The following ADAMTSL1 variants were observed in gnomAD, a reference collection of about 807,000 sequenced individuals.
ADAMTSL1 encodes the protein ADAMTS like 1, also known as ADAMTS-like protein 1.
In ADAMTSL1, 126 loss-of-function variants were observed where a neutral mutation model predicts 201.8. The ratio of observed to expected loss-of-function variants is 0.62; its 90% CI spans 0.54 to 0.72. The LOEUF (loss-of-function observed/expected upper bound fraction) is 0.72, where lower values mean the gene tolerates loss of function less well. Among genes scored for constraint, ADAMTSL1 ranks in the 30% least tolerant of loss-of-function variants. The pLI is 0.00. For synonymous variants in ADAMTSL1, 1,121 were observed against 903.4 expected, an observed-to-expected ratio of 1.24 and a Z score of -4.32; for missense variants, 2,679 against 2,277.8, an observed-to-expected ratio of 1.18 and a Z score of -3.59.
intron 2 of ADAMTSL1, among the ~76,000 whole-genome samples, chr9:18,442,224 A>G (rs554386987): frequency 1.1e-4 from 16 of 152,360 alleles, no homozygotes; most frequent in African/African-American, 3.8e-4. Context: ...TTATACATCA[A>G]AGTAACTTAG....
chr9:18,192,630 A>G (rs928494683), intron 2 of ADAMTSL1, among the ~76,000 whole-genome samples: 4 of 152,292 alleles, frequency 2.6e-5, no homozygotes, highest in South Asian at 2.1e-4. Context: ...AGACATTTCT[A>G]AATTTCTTTT....
chr9:18,291,699 T>G (rs902996549), intron 2 of ADAMTSL1, among the ~76,000 whole-genome samples: 6 of 131,804 alleles, frequency 4.6e-5, no homozygotes, highest in East Asian at 2.1e-4. Flanking sequence ...GCGCACATGC[T>G]CTCTCTCTCT....
At chr9:18,471,404 C>T (rs374171054), upstream of ADAMTSL1, among the ~76,000 whole-genome samples, 2 of 152,130 alleles carry the variant, frequency 1.3e-5, no homozygotes, top group East Asian at 1.9e-4. Flanking sequence ...GCCTCAGTTT[C>T]CACGTACATA....
At chr9:18,759,689 A>G (rs1364374448) in intron 16 of ADAMTSL1, among the ~76,000 whole-genome samples, 5 of 152,226 alleles carry the variant, frequency 3.3e-5, no homozygotes, top group Non-Finnish European at 7.3e-5. Context: ...GTTTGTATTT[A>G]TTAGCAGGAA....
intron 13 of ADAMTSL1, among the ~76,000 whole-genome samples, chr9:18,688,689 AATAT>A (rs1554730405): frequency 3.5e-4 from 3 of 8,652 alleles, no homozygotes; most frequent in Admixed American, 2.3e-3. Flanking sequence ...AAAAAAAAAA[AATAT>A]ATATATATAT....
At chr9:18,041,728 A>G (rs1270794237) in intron 1 of ADAMTSL1, among the ~76,000 whole-genome samples, 2 of 152,170 alleles carry the variant, frequency 1.3e-5, no homozygotes, top group Admixed American at 6.5e-5. Context: ...ACCAATTGAT[A>G]TGAAAATCAT....
intron 1 of ADAMTSL1, among the ~76,000 whole-genome samples, chr9:18,106,320 C>T (rs2131864790): frequency 1.3e-5 from 2 of 152,306 alleles, no homozygotes; most frequent in South Asian, 4.1e-4. Flanking sequence ...TGCTGTTTTG[C>T]ATCAGCAGAT....
intron 1 of ADAMTSL1, among the ~76,000 whole-genome samples, chr9:18,140,576 C>G (rs1162574152): frequency 1.3e-5 from 2 of 152,192 alleles, no homozygotes; most frequent in African/African-American, 4.8e-5. Context: ...TAGGTGTCCT[C>G]TCCCTAGCAC....
intron 2 of ADAMTSL1, among the ~76,000 whole-genome samples, chr9:18,388,297 G>T (rs1837887657): frequency 6.6e-6 from 1 of 151,624 alleles, no homozygotes; most frequent in South Asian, 2.1e-4. Context: ...TTGAGACAGG[G>T]TCTCACTCTG....
intron 26 of ADAMTSL1, among the ~76,000 whole-genome samples, chr9:18,897,034 C>T (rs1588337765): frequency 6.6e-6 from 1 of 152,198 alleles, no homozygotes; most frequent in African/African-American, 2.4e-5. Flanking sequence ...TTAGGTCAAC[C>T]CAGCTGTTCT....
chr9:18,180,654 G>GAAC (rs925673999), intron 2 of ADAMTSL1, among the ~76,000 whole-genome samples: 80 of 151,466 alleles, frequency 5.3e-4, no homozygotes, highest in Non-Finnish European at 8.4e-4. Context: ...ACAAATGGAA[G>GAAC]AACATTCCAT....
intron 1 of ADAMTSL1, among the ~76,000 whole-genome samples, chr9:18,105,190 C>A (rs1351699837): frequency 6.6e-6 from 1 of 152,150 alleles, no homozygotes; most frequent in Non-Finnish European, 1.5e-5. Context: ...AACAAGCGAA[C>A]TGGAATATGT....
intron 23 of ADAMTSL1, among the ~76,000 whole-genome samples, chr9:18,844,577 A>G (rs562338733): frequency 6.6e-6 from 1 of 152,214 alleles, no homozygotes; most frequent in Non-Finnish European, 1.5e-5. Flanking sequence ...GCTGTCAGAC[A>G]GGGACACTTA....
intron 2 of ADAMTSL1, among the ~76,000 whole-genome samples, chr9:18,468,567 A>C (rs899330868): frequency 1.3e-5 from 2 of 152,178 alleles, no homozygotes; most frequent in African/African-American, 4.8e-5. Flanking sequence ...GGTGGTGAAC[A>C]TAACTCTCAT....
intron 3 of ADAMTSL1, among the ~76,000 whole-genome samples, chr9:18,550,473 C>T (rs975766061): frequency 4.6e-5 from 7 of 151,908 alleles, no homozygotes; most frequent in African/African-American, 1.4e-4. Context: ...GCAAGAACCG[C>T]AGAGAAGTTT....
At chr9:18,628,574 C>T (rs890941759) in intron 5 of ADAMTSL1, among the ~76,000 whole-genome samples, 3 of 152,104 alleles carry the variant, frequency 2.0e-5, no homozygotes, top group African/African-American at 7.2e-5. Context: ...CTTTGTCTTT[C>T]CATATAAATT....
chr9:18,278,386 C>A (rs1781192861), intron 2 of ADAMTSL1, among the ~76,000 whole-genome samples: 1 of 152,160 alleles, frequency 6.6e-6, no homozygotes. Flanking sequence ...AAGTCTTCAT[C>A]TCTCTTTTGT....
chr9:18,418,919 A>G (rs1818814843), intron 2 of ADAMTSL1, among the ~76,000 whole-genome samples: 1 of 152,230 alleles, frequency 6.6e-6, no homozygotes, highest in Non-Finnish European at 1.5e-5. Context: ...GAGGAATTAC[A>G]TTATGCAGTT....
intron 2 of ADAMTSL1, among the ~76,000 whole-genome samples, chr9:18,330,810 A>G (rs538486189): frequency 6.6e-6 from 1 of 152,304 alleles, no homozygotes; most frequent in Non-Finnish European, 1.5e-5. Context: ...ATATTTTACA[A>G]AACACATGGC....
Sources: allele counts gnomAD v4.1 joint callset (sites outside exome capture counted in the v4.1 genomes callset), GRCh38; gene constraint gnomAD v4.1.1; transcripts MANE v1.5; gene names NCBI Gene and HGNC (gene_info 2026-07-23, HGNC 2026-07-21).